CEP295: variants seen among roughly 807,000 people sequenced by gnomAD.
The protein encoded by CEP295 is centrosomal protein of 295 kDa.
In CEP295, 190 loss-of-function variants were observed where a neutral mutation model predicts 291.6. That is an observed-to-expected ratio of 0.65 (90% CI 0.58 to 0.73). CEP295 has a LOEUF of 0.73. Among genes scored for constraint, CEP295 ranks in the 30% least tolerant of loss-of-function variants. The probability of loss-of-function intolerance (pLI) is 0.00; values close to 1 mark genes in which losing one functional copy is unlikely to be tolerated. For synonymous variants in CEP295, 993 were observed against 1,038.8 expected, an observed-to-expected ratio of 0.96 and a Z score of 0.85; for missense variants, 2,863 against 2,949.4, an observed-to-expected ratio of 0.97 and a Z score of 0.68.
At position 93,728,813 on chromosome 11, in the gene CEP295, TTC is replaced by T. The variant is rs1362228333; in HGVS notation, c.7296_7297del (p.Phe2433SerfsTer4). 1 of 1,537,434 alleles carries T rather than the reference TTC, an allele frequency of 6.5e-7. No homozygotes were observed. The highest frequency in any genetic ancestry group is 8.7e-7 in the Non-Finnish European group (1 of 1,143,730). ...GAAGAGCGAGAATGAAGCAAAATGC[TTC>T]TTTCAGGTAAATTTAAGCTTTCCTT... ...EEKSENEAKC[F>X]FQVSEFLPLV... is the part of the protein sequence containing the mutation. On this transcript the variant is annotated frameshift_variant, in exon 25 of 30. Transcript: ENST00000325212. LOFTEE classifies it high-confidence loss of function.
intron 23 of CEP295, 50 bp downstream of exon 23, chr11:93,725,881 TC>T: frequency 6.8e-7 from 1 of 1,463,662 alleles, no homozygotes; most frequent in Non-Finnish European, 9.3e-7. Flanking sequence ...ATTTTTTACA[TC>T]CATTTCCTTA....
intron 25 of CEP295, 139 bp from the exon 26 acceptor site, chr11:93,729,295 G>C (rs1937981844): frequency 1.6e-6 from 1 of 641,524 alleles, no homozygotes; most frequent in East Asian, 2.7e-5. Flanking sequence ...ATCAGGCATG[G>C]TGGCGGGTCT....
At chr11:93,668,787 T>G (rs1396925796) in intron 3 of CEP295, 21 bp from the exon 4 acceptor site, 1 of 1,476,634 alleles carries the variant, frequency 6.8e-7, no homozygotes, top group Non-Finnish European at 9.1e-7. Context: ...ACATGACATT[T>G]TAAGTAATAT....
chr11:93,691,586 C>A, intron 10 of CEP295, 97 bp from the exon 11 acceptor site: 1 of 729,632 alleles, frequency 1.4e-6, no homozygotes, highest in Non-Finnish European at 2.4e-6. Context: ...ATTCAGATGG[C>A]CCTAGATTGA....
chr11:93,723,989 T>C (rs1214534917), intron 21 of CEP295: 1 of 195,342 alleles, frequency 5.1e-6, no homozygotes, highest in Non-Finnish European at 1.0e-5. Context: ...TTTAAAAAAA[T>C]TAAATTTCTC....
intron 17 of CEP295, among the ~76,000 whole-genome samples, chr11:93,705,367 A>C (rs920942896): frequency 1.3e-5 from 2 of 152,228 alleles, no homozygotes; most frequent in Non-Finnish European, 2.9e-5. Flanking sequence ...GCAGTTTAAA[A>C]AGGAAAAGTC....
intron 6 of CEP295, among the ~76,000 whole-genome samples, chr11:93,676,194 A>G (rs1468550997): frequency 1.3e-5 from 2 of 151,970 alleles, no homozygotes; most frequent in African/African-American, 4.8e-5. Flanking sequence ...CACATCTCTG[A>G]TTATATATAA....
intron 2 of CEP295, 82 bp from the exon 3 acceptor site, chr11:93,667,521 CATTT>C (rs1334535168): frequency 2.2e-5 from 20 of 897,324 alleles, no homozygotes; most frequent in Middle Eastern, 2.8e-4. Flanking sequence ...TAAGAGAATT[CATTT>C]GAGTTCCTCT....
At chr11:93,709,964 G>A (rs2135217758) in intron 18 of CEP295, among the ~76,000 whole-genome samples, 1 of 152,256 alleles carries the variant, frequency 6.6e-6, no homozygotes, top group South Asian at 2.1e-4. Context: ...ATATAGAAAT[G>A]CTACTGGTTT....
intron 20 of CEP295, 128 bp downstream of exon 20, chr11:93,722,178 G>GT (rs1953783183): frequency 1.5e-6 from 1 of 650,996 alleles, no homozygotes; most frequent in African/African-American, 1.8e-5. Context: ...AATCTCACAA[G>GT]TAAAGTATGG....
rs754080659 is a variant in CEP295, at chr11:93,698,164, T to G, written c.3252T>G (p.His1084Gln). ...AAGCTCAGGTGGAATTACTTTTACA[T>G]AGACAAAGAGATTTGGGGGACAGTA... ...RHEAQVELLL[H>Q]RQRDLGDSKS... Residue 1084 changes from histidine to glutamine, a missense_variant, in exon 15 of 30, where the codon CAT becomes CAG. His to Gln is a conservative substitution (Grantham distance 24). Coordinates refer to ENST00000325212, the MANE Select transcript of CEP295 (RefSeq NM_033395.2). 7.1e-6 allele frequency: 11 copies of G among 1,552,014 alleles called. No homozygotes were observed. In the South Asian group the frequency reaches 8.3e-5, roughly 12 times the overall value.
chr11:93,697,936 A>T lies in CEP295; in HGVS notation c.3024A>T (p.Pro1008=). ...QVAQHTFTSL[P]SADTKSGKIQ... ...CTCAGCATACATTTACTTCACTACC[A>T]TCTGCTGATACAAAATCTGGAAAAA... The change falls in exon 15 of 30, where the codon CCA becomes CCT. Residue 1008 remains proline, a synonymous_variant. Transcript: ENST00000325212. The T allele has an allele frequency of 6.4e-7, 1 of 1,551,686 alleles. No homozygotes were observed. Among genetic ancestry groups the T allele is most frequent in the Non-Finnish European group, 8.7e-7 (1 of 1,146,966 alleles).
chr11:93,688,435 A>G (rs1411186802), intron 10 of CEP295, among the ~76,000 whole-genome samples: 7 of 152,124 alleles, frequency 4.6e-5, no homozygotes, highest in Admixed American at 2.6e-4. Context: ...ATGTGATTGG[A>G]TTTGTATAGA....
chr11:93,666,110 C>T (rs1950198689), intron 1 of CEP295, among the ~76,000 whole-genome samples: 1 of 152,168 alleles, frequency 6.6e-6, no homozygotes, highest in Non-Finnish European at 1.5e-5. Context: ...AGACAATCTG[C>T]TATAAACAGG....
intron 18 of CEP295, among the ~76,000 whole-genome samples, chr11:93,707,711 T>C (rs1357560118): frequency 6.6e-6 from 1 of 151,804 alleles, no homozygotes; most frequent in Admixed American, 6.6e-5. Context: ...ATCAAGCCAC[T>C]GCACTCCAGC....
At chr11:93,678,955 C>T (rs1204818018) in intron 6 of CEP295, among the ~76,000 whole-genome samples, 1 of 152,092 alleles carries the variant, frequency 6.6e-6, no homozygotes, top group Non-Finnish European at 1.5e-5. Flanking sequence ...CTCCCGGGCT[C>T]AAGTGATTTT....
At chr11:93,726,472 C>G (rs190879607) in intron 23 of CEP295, among the ~76,000 whole-genome samples, 1 of 152,180 alleles carries the variant, frequency 6.6e-6, no homozygotes, top group Non-Finnish European at 1.5e-5. Flanking sequence ...TAGTGGCTCA[C>G]GCCTGTAATC....
At chr11:93,693,319 T>C (rs1401585330) in intron 12 of CEP295, among the ~76,000 whole-genome samples, 3 of 152,266 alleles carry the variant, frequency 2.0e-5, no homozygotes, top group East Asian at 1.9e-4. Context: ...TGGTCTCATC[T>C]ACTTTTAATA....
Position 93,666,548 on chromosome 11 carries a change from C to T in CEP295, c.-26-134C>T, listed in dbSNP as rs1033065283. ...AGCAGAGGTTACAGTAAGCTGAGAT[C>T]GCACCACTGCCCTCCAGCCTGGGTG... On this transcript the variant is annotated intron_variant, in intron 1 of 29. Transcript: ENST00000325212. 5.8e-5 allele frequency: 28 copies of T among 486,238 alleles called. 1 individual carries two copies. Among genetic ancestry groups the T allele is most frequent in the South Asian group, 5.3e-4 (16 of 30,378 alleles). 30.1% of individuals were successfully genotyped at this position (486,238 alleles called of 1,614,324 possible). A position where few individuals can be genotyped will look rare whatever the true frequency, so the allele number is the denominator to read the frequency against.
Sources: gnomAD v4.1 joint callset for allele counts (sites outside exome capture counted in the v4.1 genomes callset) on GRCh38, gnomAD v4.1.1 for gene constraint, MANE v1.5 for transcripts, NCBI Gene and HGNC (gene_info 2026-07-23, HGNC 2026-07-21) for gene names.